The following CDH12 variants were observed in gnomAD, a reference collection of about 807,000 sequenced individuals.
CDH12 encodes the protein cadherin 12.
A neutral mutation model predicts 74.1 loss-of-function variants in CDH12; 41 were observed. The ratio of observed to expected loss-of-function variants is 0.55; its 90% confidence interval spans 0.43 to 0.72. The LOEUF (loss-of-function observed/expected upper bound fraction) is 0.72. Among genes scored for constraint, CDH12 ranks in the 30% least tolerant of loss-of-function variants. CDH12 has a pLI of 0.00. For missense variants in CDH12, 945 were observed against 977.2 expected, an observed-to-expected ratio of 0.97 and a Z score of 0.44; for synonymous variants, 399 against 355.0, an observed-to-expected ratio of 1.12 and a Z score of -1.39.
intron 6 of CDH12, among the ~76,000 whole-genome samples, chr5:21,873,901 C>T (rs1384973772): frequency 1.3e-5 from 2 of 151,896 alleles, no homozygotes; most frequent in Non-Finnish European, 2.9e-5. Flanking sequence ...TAATAGCTTC[C>T]AGCTTCACCC....
chr5:21,816,240 C>T (rs776515142), intron 9 of CDH12, among the ~76,000 whole-genome samples: 2 of 152,076 alleles, frequency 1.3e-5, no homozygotes, highest in Admixed American at 1.3e-4. Context: ...TTATGATGAT[C>T]CACTAGTGCT....
chr5:21,918,107 CTAA>C (rs1339090043), intron 6 of CDH12, among the ~76,000 whole-genome samples: 2 of 151,408 alleles, frequency 1.3e-5, no homozygotes, highest in African/African-American at 2.4e-5. Flanking sequence ...GTATGTATTG[CTAA>C]TAATATATAT....
At chr5:22,077,823 G>A (rs1742437134) in intron 5 of CDH12, among the ~76,000 whole-genome samples, 2 of 152,052 alleles carry the variant, frequency 1.3e-5, no homozygotes, top group South Asian at 4.1e-4. Flanking sequence ...CTCTGTTGAT[G>A]TGTACATATT....
At chr5:22,654,281 T>C (rs1739907374) in intron 1 of CDH12, among the ~76,000 whole-genome samples, 1 of 150,638 alleles carries the variant, frequency 6.6e-6, no homozygotes, top group Non-Finnish European at 1.5e-5. Context: ...TTTTACGTAT[T>C]TCTTTCTTTC....
chr5:22,045,036 C>A (rs1404746612), intron 5 of CDH12, among the ~76,000 whole-genome samples: 1 of 152,092 alleles, frequency 6.6e-6, no homozygotes, highest in African/African-American at 2.4e-5. Context: ...GTTCACCTGA[C>A]AAAGGGTTAA....
At chr5:22,735,830 T>C (rs1319456129) in intron 1 of CDH12, among the ~76,000 whole-genome samples, 1 of 151,906 alleles carries the variant, frequency 6.6e-6, no homozygotes, top group African/African-American at 2.4e-5. Flanking sequence ...TCTTGGGCTT[T>C]GGTGTATCAA....
intron 2 of CDH12, among the ~76,000 whole-genome samples, chr5:22,453,808 C>T (rs566381345): frequency 6.6e-5 from 10 of 152,072 alleles, no homozygotes; most frequent in South Asian, 6.2e-4. Context: ...GATCATTACA[C>T]GATGTATACA....
At chr5:21,858,732 G>C (rs758440437) in intron 6 of CDH12, among the ~76,000 whole-genome samples, 11 of 151,928 alleles carry the variant, frequency 7.2e-5, no homozygotes, top group Admixed American at 1.3e-4. Flanking sequence ...AATGGGAGGA[G>C]AAACAGATTC....
chr5:22,165,561 C>T (rs903456829), intron 4 of CDH12, among the ~76,000 whole-genome samples: 1 of 152,096 alleles, frequency 6.6e-6, no homozygotes, highest in Non-Finnish European at 1.5e-5. Flanking sequence ...GGTCAACACT[C>T]TTACTGTGTT....
intron 1 of CDH12, among the ~76,000 whole-genome samples, chr5:22,767,423 G>C (rs1198436990): frequency 6.6e-6 from 1 of 151,950 alleles, no homozygotes; most frequent in Non-Finnish European, 1.5e-5. Context: ...TGTTCTGTTT[G>C]CATTTTCAAT....
intron 5 of CDH12, among the ~76,000 whole-genome samples, chr5:22,041,078 G>GT (rs1465615497): frequency 2.0e-5 from 3 of 151,970 alleles, no homozygotes; most frequent in African/African-American, 7.2e-5. Flanking sequence ...AAAGTCTAGA[G>GT]TTTTTTATGT....
intron 5 of CDH12, among the ~76,000 whole-genome samples, chr5:22,058,677 AAAAG>A (rs1399661629): frequency 2.2e-4 from 33 of 151,696 alleles, no homozygotes; most frequent in African/African-American, 6.0e-4. Context: ...AAAGGAGAAA[AAAAG>A]AAAGAAAGAA....
chr5:22,511,269 TTA>T (rs1736595421), intron 1 of CDH12, among the ~76,000 whole-genome samples: 1 of 152,100 alleles, frequency 6.6e-6, no homozygotes, highest in Non-Finnish European at 1.5e-5. Flanking sequence ...TGAATTAAAA[TTA>T]AAATCATATA....
chr5:22,313,518 T>A (rs541173854), intron 3 of CDH12, among the ~76,000 whole-genome samples: 27 of 152,312 alleles, frequency 1.8e-4, no homozygotes, highest in Middle Eastern at 3.4e-3. Flanking sequence ...AAAAGTCTCA[T>A]TTCTTGTGAA....
chr5:22,264,915 T>A (rs1753652539), intron 3 of CDH12, among the ~76,000 whole-genome samples: 1 of 152,182 alleles, frequency 6.6e-6, no homozygotes, highest in East Asian at 1.9e-4. Flanking sequence ...CCAAATTGTT[T>A]ATGGCGAGAC....
intron 1 of CDH12, among the ~76,000 whole-genome samples, chr5:22,569,671 A>G (rs571419724): frequency 9.9e-5 from 15 of 152,254 alleles, no homozygotes; most frequent in African/African-American, 3.6e-4. Context: ...ATTTTATTAG[A>G]TTATCCATTA....
At chr5:22,842,067 A>C (rs2126524258) in intron 1 of CDH12, among the ~76,000 whole-genome samples, 1 of 152,302 alleles carries the variant, frequency 6.6e-6, no homozygotes, top group South Asian at 2.1e-4. Flanking sequence ...AAAACCTCAA[A>C]CAGGTTATAT....
chr5:22,108,581 T>G (rs967391433), intron 4 of CDH12, among the ~76,000 whole-genome samples: 3 of 152,224 alleles, frequency 2.0e-5, no homozygotes, highest in Admixed American at 6.5e-5. Context: ...GCCATGAGGC[T>G]AGTGAGCCAT....
intron 1 of CDH12, among the ~76,000 whole-genome samples, chr5:22,592,798 T>G (rs2126801643): frequency 6.6e-6 from 1 of 151,570 alleles, no homozygotes; most frequent in African/African-American, 2.4e-5. Context: ...CCCAGCACTT[T>G]GGGAGCGGAT....
Sources: allele counts gnomAD v4.1 joint callset (sites outside exome capture counted in the v4.1 genomes callset), GRCh38; gene constraint gnomAD v4.1.1; transcripts MANE v1.5; gene names NCBI Gene and HGNC (gene_info 2026-07-23, HGNC 2026-07-21).